The following MYBPC2 variants were observed in gnomAD, a reference collection of about 807,000 sequenced individuals.
MYBPC2 encodes myosin binding protein C2.
MYBPC2 carries 122 observed loss-of-function variants against 137.0 expected under a neutral mutation model. The ratio of observed to expected loss-of-function variants is 0.89; its 90% CI spans 0.77 to 1.03. The LOEUF is 1.03. MYBPC2 is among the 50% of genes least tolerant of loss of function. The pLI is 0.00. For missense variants in MYBPC2, 1,500 were observed against 1,534.4 expected (o/e 0.98, Z 0.37); for synonymous variants, 626 against 612.3 (o/e 1.02, Z -0.33).
At chr19:50,444,363 T>G (rs925736996) in intron 11 of MYBPC2, among the ~76,000 whole-genome samples, 4 of 152,030 alleles carry the variant, frequency 2.6e-5, no homozygotes, top group Non-Finnish European at 5.9e-5. Context: ...ATCCATCTAC[T>G]CATTCATATA....
rs1320319244 is a variant in MYBPC2 at position 50,460,164 on chromosome 19, A to G, written c.2916A>G (p.Ala972=). ...SEIMGYFVQK[A]DKKTMEWFNV... ...TCATGGGGTATTTCGTCCAGAAAGCAGACAAAAAAACCATGGTGAGAGAGC... is the reference window on the plus strand; with the variant it reads ...TCATGGGGTATTTCGTCCAGAAAGCGGACAAAAAAACCATGGTGAGAGAGC... Residue 972 remains alanine (A), a synonymous_variant, in exon 24 of 28, where the codon GCA becomes GCG. Coordinates refer to ENST00000357701, the MANE Select transcript of MYBPC2 (RefSeq NM_004533.4). The G allele has an allele frequency of 3.7e-6, 6 of 1,603,146 alleles. No homozygotes were observed. Among genetic ancestry groups the G allele is most frequent in the East Asian group, 2.2e-5 (1 of 44,518 alleles).
intron 26 of MYBPC2, among the ~76,000 whole-genome samples, 163 bp downstream of exon 26, chr19:50,462,199 T>G (rs1384363629): frequency 6.6e-6 from 1 of 152,026 alleles, no homozygotes; most frequent in Non-Finnish European, 1.5e-5. Flanking sequence ...GATTTTTTTT[T>G]TTTTTGAGAC....
In MYBPC2 at chr19:50,435,230, CT is replaced by C; in HGVS notation, c.90del (p.Pro31LeufsTer25). ...CCCAAGGAGGCTCCCCCTAAGGAGG[CT>C]CCTGCAGAGGCCCCCAAAGGTGAGG... ...GAPKEAPPKEAPAEAPKEAPP... is the reference protein window; with the variant it reads ...GAPKEAPPKEXPAEAPKEAPP... On this transcript the variant is annotated frameshift_variant, in exon 2 of 28. Transcript: ENST00000357701. LOFTEE classifies it high-confidence loss of function. The surrounding 1 kb of genome is among the most constrained non-coding windows in gnomAD (Gnocchi z 4.8). 1 of 1,284,020 alleles carries C rather than the reference CT, an allele frequency of 7.8e-7. No homozygotes were observed. Among genetic ancestry groups the C allele is most frequent in the Non-Finnish European group, 1.1e-6 (1 of 889,410 alleles). 79.5% of individuals were successfully genotyped at this position (1,284,020 alleles called of 1,614,324 possible).
At position 50,454,011 on chromosome 19, in the gene MYBPC2, T is replaced by C; in HGVS notation, c.1750-9T>C. On this transcript the variant is annotated splice_polypyrimidine_tract_variant and intron_variant, in intron 16 of 27. Coordinates refer to ENST00000357701, the MANE Select transcript of MYBPC2 (RefSeq NM_004533.4). ...ATGGGGTGCAAGGCCATCTGGTGGC[T>C]GCGTTCAGGTATTCACGACCACCGA... The C allele has an allele frequency of 6.3e-7, 1 of 1,585,562 alleles. No individual in the cohort carries two copies. Among genetic ancestry groups the C allele is most frequent in the Non-Finnish European group, 8.6e-7 (1 of 1,167,612 alleles).
At chr19:50,434,509 G>T (rs1446845946) in intron 1 of MYBPC2, among the ~76,000 whole-genome samples, 1 of 152,202 alleles carries the variant, frequency 6.6e-6, no homozygotes, top group Non-Finnish European at 1.5e-5. Flanking sequence ...ATTTCTGTGG[G>T]CACTGAGGCT....
At position 50,465,530 on chromosome 19, in the gene MYBPC2, CT is replaced by C. The variant is rs1415385310; in HGVS notation, c.3416-663del. Among the ~76,000 whole-genome samples the C allele has an allele frequency of 2.0e-5, 3 of 152,172 alleles. No homozygotes were observed. The highest frequency in any genetic ancestry group is 7.2e-5 in the African/African-American group (3 of 41,448). On this transcript the variant is annotated intron_variant, in intron 27 of 27. Transcript: ENST00000357701. The surrounding 1 kb of genome is among the most constrained non-coding windows in gnomAD (Gnocchi z 4.5). ...CCAGCAGACAGGGTGGCTGGGGACC[CT>C]TAACAAAGGCTCAGAGAGGACACTT...
chr19:50,455,495 T>C lies in MYBPC2; in HGVS notation c.2204-15T>C, dbSNP rs2039900941. 1.2e-6 allele frequency: 2 copies of C among 1,609,768 alleles called. No homozygotes were observed. The highest frequency in any genetic ancestry group is 2.2e-5 in the South Asian group (2 of 90,870). ...CCTCATTCCCCCCATATCCTCTTTTTCTGGATGCTTGCAGCACCCACGAGT... is the reference window on the plus strand; with the variant it reads ...CCTCATTCCCCCCATATCCTCTTTTCCTGGATGCTTGCAGCACCCACGAGT... On this transcript the variant is annotated splice_polypyrimidine_tract_variant and intron_variant, in intron 19 of 27. Transcript: ENST00000357701.
intron 20 of MYBPC2, 61 bp from the exon 21 acceptor site, chr19:50,458,526 G>C: frequency 6.3e-7 from 1 of 1,577,776 alleles, no homozygotes; most frequent in South Asian, 1.1e-5. Context: ...GTCCCCGGGA[G>C]AAACGGGAGC....
At chr19:50,453,295 G>T (rs1173665595) in intron 16 of MYBPC2, among the ~76,000 whole-genome samples, 1 of 152,088 alleles carries the variant, frequency 6.6e-6, no homozygotes, top group Non-Finnish European at 1.5e-5. Context: ...ACCTGCCCAA[G>T]AAGCCACAGT....
Position 50,437,529 on chromosome 19 carries a change from AC to A in MYBPC2, c.512+12del. Reference sequence around the variant, plus strand: ...AGAAAGCTTCAAGCGTACGTAAGTGACCCCAGGCCCTTACCAGGGTCCCAAG... The same window carrying A: ...AGAAAGCTTCAAGCGTACGTAAGTGACCCAGGCCCTTACCAGGGTCCCAAG... On this transcript the variant is annotated intron_variant, in intron 6 of 27. Coordinates refer to ENST00000357701, the MANE Select transcript of MYBPC2 (RefSeq NM_004533.4). 6.2e-7 allele frequency: 1 copy of A among 1,609,176 alleles called. No homozygotes were observed. The highest frequency in any genetic ancestry group is 1.1e-5 in the South Asian group (1 of 90,062).
Position 50,442,212 on chromosome 19 carries a change from A to C in MYBPC2, c.801A>C (p.Gln267His). The change falls in exon 9 of 28, where the codon CAA becomes CAC. Residue 267 changes from glutamine (Q) to histidine (H), a missense_variant. Coordinates refer to ENST00000357701, the MANE Select transcript of MYBPC2 (RefSeq NM_004533.4). ...AFTKKLDPAY[Q>H]VDRGNKIKLM... ...CAAAGAAGCTGGATCCAGCCTACCA[A>C]GTGGACAGAGGCAACAAGATCAAGT... is the stretch of plus-strand genomic sequence containing the variant. The C allele has an allele frequency of 1.2e-6, 2 of 1,600,830 alleles. No individual in the cohort carries two copies. The highest frequency in any genetic ancestry group is 8.5e-7 in the Non-Finnish European group (1 of 1,173,796).
At chr19:50,440,717 A>T (rs2039745902) in intron 7 of MYBPC2, among the ~76,000 whole-genome samples, 163 bp from the exon 8 acceptor site, 1 of 151,774 alleles carries the variant, frequency 6.6e-6, no homozygotes, top group Non-Finnish European at 1.5e-5. Context: ...AGAGGTCAGA[A>T]GACCCCAGGA....
chr19:50,451,867 C>T lies in MYBPC2; in HGVS notation c.1613C>T (p.Pro538Leu), dbSNP rs763304244. 5 of 1,592,060 alleles carry T rather than the reference C, an allele frequency of 3.1e-6. No homozygotes were observed. The highest frequency in any genetic ancestry group is 2.6e-6 in the Non-Finnish European group (3 of 1,169,006). Residue 538 changes from proline to leucine, a missense_variant, in exon 16 of 28, where the codon CCA (proline) becomes CTA (leucine). Pro to Leu is a moderately conservative substitution (Grantham distance 98, BLOSUM62 -3). Coordinates refer to ENST00000357701, the MANE Select transcript of MYBPC2 (RefSeq NM_004533.4). ...TGTATCTCTTCTGTGCCACCAGAGC[C>T]ACCAAAGATCCACTTGGATTGCTCG... ...IKVEYVPKQEPPKIHLDCSGK... is the reference protein window; with the variant it reads ...IKVEYVPKQELPKIHLDCSGK...
intron 7 of MYBPC2, 29 bp downstream of exon 7, chr19:50,437,747 G>C (rs965142170): frequency 6.3e-7 from 1 of 1,586,890 alleles, no homozygotes. Context: ...ACAGAGAGGG[G>C]AGATGGGACT....
At position 50,435,170 on chromosome 19, in the gene MYBPC2, A is replaced by G; in HGVS notation, c.29A>G (p.Lys10Arg). MPEAKPAAK[K>R]APKGKDAPKG... Reference sequence around the variant, plus strand: ...GTCCCCTACCTTACAGCGGCCAAAAAGGCCCCCAAAGGCAAAGATGCCCCC... The same window carrying G: ...GTCCCCTACCTTACAGCGGCCAAAAGGGCCCCCAAAGGCAAAGATGCCCCC... Residue 10 changes from lysine to arginine, a missense_variant, in exon 2 of 28, where the codon AAG becomes AGG. Transcript: ENST00000357701. This position sits in a 1 kb window ranked among gnomAD's most constrained non-coding sequence, Gnocchi z 4.8. The G allele has an allele frequency of 1.5e-6, 2 of 1,326,142 alleles. No individual in the cohort carries two copies. Among genetic ancestry groups the G allele is most frequent in the South Asian group, 1.2e-5 (1 of 83,102 alleles). 82.1% of individuals were successfully genotyped at this position (1,326,142 alleles called of 1,614,324 possible). A position where few individuals can be genotyped will look rare whatever the true frequency, so the allele number is the denominator to read the frequency against.
chr19:50,446,120 AG>A (rs2039803623), intron 12 of MYBPC2, 68 bp downstream of exon 12: 11 of 1,516,450 alleles, frequency 7.3e-6, no homozygotes, highest in Non-Finnish European at 8.9e-6. Context: ...GAGGTTGCTC[AG>A]GCCCCCCAGT....
At chr19:50,446,198 T>A in intron 12 of MYBPC2, 146 bp downstream of exon 12, 1 of 1,036,932 alleles carries the variant, frequency 9.6e-7, no homozygotes, top group Non-Finnish European at 1.4e-6. Context: ...GGAGATCTGA[T>A]GGCTCCAGCT....
In MYBPC2 at chr19:50,448,340, T is replaced by C; in HGVS notation, c.1422T>C (p.Asn474=). Residue 474 remains asparagine (N), a synonymous_variant, in exon 13 of 28, where the codon AAT becomes AAC. Transcript: ENST00000357701. The stretch of plus-strand genomic sequence containing the variant: ...AAGTGACGGGCAAGTGGTATAAGAA[T>C]GGGGTCGAGGTGCGGCCCAGCAAGA... ...DEKVTGKWYK[N]GVEVRPSKRI... is the part of the protein sequence containing the mutation. 2 of 1,613,858 alleles carry C rather than the reference T, an allele frequency of 1.2e-6. No homozygotes were observed. Among genetic ancestry groups the C allele is most frequent in the Non-Finnish European group, 1.7e-6 (2 of 1,179,806 alleles).
intron 20 of MYBPC2, 87 bp from the exon 21 acceptor site, chr19:50,458,500 G>T: frequency 6.7e-7 from 1 of 1,503,718 alleles, no homozygotes; most frequent in South Asian, 1.3e-5. Flanking sequence ...TCACTCGCTC[G>T]CTGCGTGGGG....
Sources: gnomAD v4.1 joint callset for allele counts (sites outside exome capture counted in the v4.1 genomes callset) on GRCh38, gnomAD v4.1.1 for gene constraint, Gnocchi (gnomAD v3.1) non-coding constraint, MANE v1.5 for transcripts, NCBI Gene and HGNC (gene_info 2026-07-23, HGNC 2026-07-21) for gene names.